Variants in MKS1 observed in about 807,000 individuals in gnomAD.
MKS1 encodes tectonic-like complex member MKS1.
In MKS1, 70 loss-of-function variants were observed where a neutral mutation model predicts 83.7. That is an observed-to-expected ratio of 0.84 (90% CI 0.69 to 1.02). The LOEUF (loss-of-function observed/expected upper bound fraction) is 1.02. Ranked by LOEUF, MKS1 falls within the 50% of genes least tolerant of loss-of-function variation. MKS1 has a pLI of 0.00. For synonymous variants in MKS1, 251 were observed against 273.4 expected (o/e 0.92, Z 0.81); for missense variants, 681 against 726.9 (o/e 0.94, Z 0.73).
intron 9 of MKS1, 25 bp downstream of exon 9, chr17:58,212,353 T>G (rs774551789): frequency 6.2e-7 from 1 of 1,609,560 alleles, no homozygotes; most frequent in South Asian, 1.1e-5. Flanking sequence ...CAGCTCACAG[T>G]GCTGCAGGAA....
chr17:58,214,465 G>C (rs1969074504), intron 5 of MKS1, 78 bp from the exon 6 acceptor site: 2 of 1,606,322 alleles, frequency 1.2e-6, no homozygotes, highest in African/African-American at 2.7e-5. Context: ...TTCAGAATGG[G>C]AAGTTTGAGC....
chr17:58,208,663 T>C (rs1043325709), intron 11 of MKS1, 80 bp from the exon 12 acceptor site: 9 of 1,346,170 alleles, frequency 6.7e-6, no homozygotes, highest in Non-Finnish European at 9.3e-6. Flanking sequence ...TCTTTTTTCT[T>C]TTCTTTTTTT....
At chr17:58,207,719 C>T (rs1022434133) in intron 14 of MKS1, 175 bp downstream of exon 14, 3 of 692,828 alleles carry the variant, frequency 4.3e-6, no homozygotes, top group Admixed American at 2.1e-5. Context: ...GCCAAGGCCA[C>T]GTCATTGTCG....
At chr17:58,218,262 C>G (rs555032855) in intron 2 of MKS1, among the ~76,000 whole-genome samples, 1 of 151,648 alleles carries the variant, frequency 6.6e-6, no homozygotes, top group African/African-American at 2.4e-5. Context: ...TCCTGGCTAA[C>G]ACGGTGAAAC....
At chr17:58,206,765 G>A (rs1056540195) in intron 15 of MKS1, 11 of 658,994 alleles carry the variant, frequency 1.7e-5, no homozygotes, top group African/African-American at 1.3e-4. Flanking sequence ...TTTGAGAAGC[G>A]GCGGTCTTAT....
At chr17:58,215,988 C>G in intron 4 of MKS1, 100 bp downstream of exon 4, 1 of 1,419,110 alleles carries the variant, frequency 7.0e-7, no homozygotes, top group Non-Finnish European at 9.9e-7. Flanking sequence ...GGCTACTTGT[C>G]TCCCCTTACT....
At position 58,219,122 on chromosome 17, in the gene MKS1, G is replaced by A. The variant is rs774377671; in HGVS notation, c.80+29C>T. 9.0e-6 allele frequency: 14 copies of A among 1,549,866 alleles called. No individual in the cohort carries two copies. In the African/African-American group the frequency reaches 1.2e-4, roughly 14 times the overall value. On this transcript the variant is annotated intron_variant, in intron 1 of 17. Transcript: ENST00000393119. ...AATGATCTAAGGACACAAAAGCATGGGGCCTCGGGGCTGGGGCGGTGCGAC... is the reference window on the plus strand; with the variant it reads ...AATGATCTAAGGACACAAAAGCATGAGGCCTCGGGGCTGGGGCGGTGCGAC...
At chr17:58,206,440 T>C in intron 16 of MKS1, 25 bp downstream of exon 16, 1 of 1,614,056 alleles carries the variant, frequency 6.2e-7, no homozygotes, top group Non-Finnish European at 8.5e-7. Flanking sequence ...TAAGGTGCCC[T>C]GAGGCAGAGG....
Position 58,216,228 on chromosome 17 carries a change from A to G in MKS1, c.277T>C (p.Tyr93His). Residue 93 changes from tyrosine to histidine, a missense_variant, in exon 4 of 18, where the codon TAC becomes CAC. By Grantham distance (83) the Tyr-to-His change is moderately conservative. Around this residue, in one of 3 missense-constraint regions of MKS1, gnomAD observed 365 missense variants for 383.8 expected, o/e 0.95. Coordinates refer to ENST00000393119, the MANE Select transcript of MKS1 (RefSeq NM_017777.4). Reference protein sequence around the residue: ...KLFSQFEVDLYQNETACQSPL... With the variant: ...KLFSQFEVDLHQNETACQSPL... ...CTCTGACAGGCTGTTTCATTTTGGT[A>G]CAGATCTACTTCAAACTGAGGTTAC... The G allele has an allele frequency of 6.2e-7, 1 of 1,613,344 alleles. No individual in the cohort carries two copies. The highest frequency in any genetic ancestry group is 8.5e-7 in the Non-Finnish European group (1 of 1,179,986).
In MKS1 at chr17:58,211,005, G is replaced by A; in HGVS notation, c.933C>T (p.Leu311=). 2 of 1,614,092 alleles carry A rather than the reference G, an allele frequency of 1.2e-6. No homozygotes were observed. Among genetic ancestry groups the A allele is most frequent in the South Asian group, 2.2e-5 (2 of 91,078 alleles). Residue 311 remains leucine, a synonymous_variant, in exon 10 of 18, where the codon CTC becomes CTT. Transcript: ENST00000393119. ...TDFEMTVPGA[L]RLFVNGEVVS... is the part of the protein sequence containing the mutation. ...CGACCTCTCCATTTACAAAGAGCCGGAGGGCACCTGGGACAGTCTAAGGTG... is the reference window on the plus strand; with the variant it reads ...CGACCTCTCCATTTACAAAGAGCCGAAGGGCACCTGGGACAGTCTAAGGTG...
At chr17:58,219,047 C>A (rs1969434724) in intron 1 of MKS1, 104 bp downstream of exon 1, 4 of 1,464,694 alleles carry the variant, frequency 2.7e-6, no homozygotes, top group Middle Eastern at 3.5e-4. Context: ...GAGAAGTGGT[C>A]GGGATTGTAA....
chr17:58,216,180 G>A lies in MKS1; in HGVS notation c.325C>T (p.Gln109Ter). Residue 109 changes from glutamine to a stop codon, truncating the protein, a stop_gained, in exon 4 of 18, where the codon CAG becomes TAG. Transcript: ENST00000393119. LOFTEE classifies it high-confidence loss of function. ...GAATTCTCCAGCTTCAGGATCTCCT[G>A]ACGGTACTGATAATCCAAAGGACTC... is the stretch of plus-strand genomic sequence containing the variant. ...CQSPLDYQYRQEILKLENSGG... is the reference protein window; with the variant it reads ...CQSPLDYQYR 1 of 1,614,074 alleles carries A rather than the reference G, an allele frequency of 6.2e-7. No homozygotes were observed.
chr17:58,215,122 T>C (rs1163858711), intron 4 of MKS1, among the ~76,000 whole-genome samples: 1 of 152,224 alleles, frequency 6.6e-6, no homozygotes, highest in Non-Finnish European at 1.5e-5. Context: ...GTTGGGTTAG[T>C]GTGCTTGGTA....
intron 1 of MKS1, 197 bp downstream of exon 1, chr17:58,218,954 A>C: frequency 6.7e-6 from 6 of 891,076 alleles, no homozygotes; most frequent in Non-Finnish European, 1.0e-5. Flanking sequence ...CAAAGACGTG[A>C]ATGGACTTGG....
At position 58,209,799 on chromosome 17, in the gene MKS1, G is replaced by T. The variant is rs973137583; in HGVS notation, c.1024+860C>A. Among the ~76,000 whole-genome samples, 3 of 152,178 alleles carry T rather than the reference G, an allele frequency of 2.0e-5. No homozygotes were observed. Among genetic ancestry groups the T allele is most frequent in the African/African-American group, 7.2e-5 (3 of 41,432 alleles). ...ACATAACTTGTTTACATTTTTTAAA[G>T]CTCAACTTGGCTTTGGTGTCTGTGG... On this transcript the variant is annotated intron_variant, in intron 11 of 17. Transcript: ENST00000393119. This position sits in a 1 kb window ranked among gnomAD's most constrained non-coding sequence, Gnocchi z 4.1.
At chr17:58,207,642 A>ACCTGAGTATGGACT in intron 14 of MKS1, 2 of 587,508 alleles carry the variant, frequency 3.4e-6, no homozygotes, top group Non-Finnish European at 6.1e-6. Flanking sequence ...ATTTTGCCAT[A>ACCTGAGTATGGACT]CAGCTTCTCA....
Position 58,219,217 on chromosome 17 carries a change from A to C in MKS1, c.14T>G (p.Val5Gly). ...TGCCTCCCCGGTGTCAGTGCTCCAG[A>C]CGGTCTCCGCCATGACAGCTGCGAC... MAET[V>G]WSTDTGEAVY... is the part of the protein sequence containing the mutation. Residue 5 changes from valine to glycine, a missense_variant, in exon 1 of 18, where the codon GTC becomes GGC. Coordinates refer to ENST00000393119, the MANE Select transcript of MKS1 (RefSeq NM_017777.4). 1.3e-6 allele frequency: 2 copies of C among 1,550,982 alleles called. No individual in the cohort carries two copies. Among genetic ancestry groups the C allele is most frequent in the Admixed American group, 2.0e-5 (1 of 51,010 alleles).
At chr17:58,216,875 A>G in intron 2 of MKS1, 139 bp from the exon 3 acceptor site, 1 of 813,804 alleles carries the variant, frequency 1.2e-6, no homozygotes, top group South Asian at 1.5e-5. Context: ...GTAAGCACTC[A>G]ACCTAGAGAA....
chr17:58,212,566 G>T, intron 8 of MKS1, 132 bp from the exon 9 acceptor site: 1 of 962,260 alleles, frequency 1.0e-6, no homozygotes, highest in Non-Finnish European at 1.6e-6. Flanking sequence ...CTGACTCACC[G>T]CCATTTTACC....
Sources: allele counts gnomAD v4.1 joint callset (sites outside exome capture counted in the v4.1 genomes callset), GRCh38; gene constraint gnomAD v4.1.1; regional missense constraint gnomAD v4.1.1; non-coding constraint Gnocchi (gnomAD v3.1); transcripts MANE v1.5; gene names NCBI Gene and HGNC (gene_info 2026-07-23, HGNC 2026-07-21).